The following FSTL5 variants were observed in gnomAD, a reference collection of about 807,000 sequenced individuals.
The protein encoded by FSTL5 is follistatin like 5.
In FSTL5, 62 loss-of-function variants were observed where a neutral mutation model predicts 89.1. The ratio of observed to expected loss-of-function variants is 0.70; its 90% CI spans 0.57 to 0.86. The LOEUF is 0.86. Ranked by LOEUF, FSTL5 falls within the 40% of genes least tolerant of loss-of-function variation. The pLI is 0.00. For synonymous variants in FSTL5, 383 were observed against 346.2 expected (o/e 1.11, Z -1.18); for missense variants, 1,057 against 1,001.6 (o/e 1.06, Z -0.75).
chr4:161,393,631 A>G (rs911734593), intron 15 of FSTL5, among the ~76,000 whole-genome samples: 9 of 152,208 alleles, frequency 5.9e-5, no homozygotes, highest in Non-Finnish European at 1.3e-4. Flanking sequence ...TAATTGGAAT[A>G]AATCAAGAGG....
At chr4:161,718,209 C>T (rs143089188) in intron 6 of FSTL5, among the ~76,000 whole-genome samples, 1 of 152,188 alleles carries the variant, frequency 6.6e-6, no homozygotes, top group African/African-American at 2.4e-5. Flanking sequence ...TGGAAATGAA[C>T]TTCACTATAC....
intron 6 of FSTL5, among the ~76,000 whole-genome samples, chr4:161,734,448 G>A (rs1032239764): frequency 2.0e-5 from 3 of 152,154 alleles, no homozygotes; most frequent in African/African-American, 7.2e-5. Flanking sequence ...AATGCCTTCT[G>A]AAGCCTTGGA....
chr4:161,591,908 G>T (rs760813192), intron 7 of FSTL5, among the ~76,000 whole-genome samples: 21 of 152,170 alleles, frequency 1.4e-4, no homozygotes, highest in Admixed American at 3.9e-4. Flanking sequence ...TCTAATTAGC[G>T]GAGCTAGGAT....
In FSTL5 at chr4:161,536,740, G is replaced by C. The variant is rs1372808334; in HGVS notation, c.1312+1426C>G. Among the ~76,000 whole-genome samples, 12 of 152,056 alleles carry C rather than the reference G, an allele frequency of 7.9e-5. No individual in the cohort carries two copies. In the East Asian group the frequency reaches 2.3e-3, roughly 29 times the overall value. On this transcript the variant is annotated intron_variant, in intron 10 of 15. Transcript: ENST00000306100. ...ATGATTTGTTGACTAAGGGAGCTTT[G>C]GCTAGGTGTTTTACTGTTGTAACTA... is the stretch of plus-strand genomic sequence containing the variant.
intron 3 of FSTL5, among the ~76,000 whole-genome samples, chr4:161,988,599 C>T (rs1433635642): frequency 6.6e-6 from 1 of 152,072 alleles, no homozygotes; most frequent in Admixed American, 6.6e-5. Context: ...AATGCATACA[C>T]TTCAGAGATT....
intron 2 of FSTL5, among the ~76,000 whole-genome samples, chr4:162,101,149 G>A (rs776213330): frequency 4.6e-5 from 7 of 152,164 alleles, no homozygotes; most frequent in Non-Finnish European, 8.8e-5. Flanking sequence ...ATAATCACCT[G>A]CTTTTATTTT....
intron 4 of FSTL5, among the ~76,000 whole-genome samples, chr4:161,782,474 G>A (rs561141680): frequency 1.2e-4 from 18 of 151,958 alleles, no homozygotes; most frequent in South Asian, 2.1e-4. Context: ...GTTTTAGAGC[G>A]GATTATTTTA....
intron 7 of FSTL5, among the ~76,000 whole-genome samples, chr4:161,598,734 T>G (rs1734126874): frequency 6.6e-6 from 1 of 152,022 alleles, no homozygotes; most frequent in Non-Finnish European, 1.5e-5. Flanking sequence ...AGAGAAAGAT[T>G]GGTCTATTAA....
At chr4:161,660,503 A>T (rs1186590318) in intron 6 of FSTL5, among the ~76,000 whole-genome samples, 1 of 152,164 alleles carries the variant, frequency 6.6e-6, no homozygotes, top group East Asian at 1.9e-4. Flanking sequence ...TCAGGGATAC[A>T]TGTATGGGTT....
At chr4:161,949,026 T>A (rs2110946353) in intron 3 of FSTL5, among the ~76,000 whole-genome samples, 1 of 152,238 alleles carries the variant, frequency 6.6e-6, no homozygotes, top group East Asian at 1.9e-4. Context: ...TCTCATTAGA[T>A]TGAAATCAAG....
chr4:161,542,726 G>T (rs369989269), intron 8 of FSTL5, 33 bp from the exon 9 acceptor site: 108 of 1,348,510 alleles, frequency 8.0e-5, no homozygotes, highest in Non-Finnish European at 9.8e-5. Context: ...AAGTGAATTA[G>T]TGATTCATAT....
In FSTL5 at chr4:161,746,418, C is replaced by T. The variant is rs140869668; in HGVS notation, c.727+12993G>A. 2.5e-3 allele frequency among the ~76,000 whole-genome samples: 377 copies of T among 152,170 alleles called. 12 individuals are homozygous for T. The East Asian group carries it at 0.06, about 24-fold the overall frequency. ...AAACTTATCACTTAGAGAATTGCAG[C>T]CTGAGTTAGTAGTGCCCTGGTGAAT... is the stretch of plus-strand genomic sequence containing the variant. On this transcript the variant is annotated intron_variant, in intron 6 of 15. Coordinates refer to ENST00000306100, the MANE Select transcript of FSTL5 (RefSeq NM_020116.5).
intron 4 of FSTL5, among the ~76,000 whole-genome samples, chr4:161,839,689 T>C (rs896745469): frequency 1.3e-5 from 2 of 152,084 alleles, no homozygotes; most frequent in Non-Finnish European, 2.9e-5. Context: ...ATTTAAAAAG[T>C]GGTGGTATTT....
rs949743730 is a variant in FSTL5, at chr4:161,528,191, T to C, written c.1312+9975A>G. On this transcript the variant is annotated intron_variant, in intron 10 of 15. Transcript: ENST00000306100. Reference sequence around the variant, plus strand: ...GGATAACTTTAGGAGATATACCTAATGCTAAATGACGAGTTAATGGGTGCA... The same window carrying C: ...GGATAACTTTAGGAGATATACCTAACGCTAAATGACGAGTTAATGGGTGCA... Among the ~76,000 whole-genome samples, 22 of 137,022 alleles carry C rather than the reference T, an allele frequency of 1.6e-4. 2 individuals carry two copies. The highest frequency in any genetic ancestry group is 1.1e-3 in the South Asian group (4 of 3,588). 89.9% of individuals were successfully genotyped at this position (137,022 alleles called of 152,430 possible).
intron 1 of FSTL5, among the ~76,000 whole-genome samples, chr4:162,150,710 A>G (rs1227498123): frequency 6.6e-6 from 1 of 152,170 alleles, no homozygotes; most frequent in Non-Finnish European, 1.5e-5. Context: ...GCTAGTCTGA[A>G]TGTATTGATG....
At chr4:162,154,812 G>T (rs1733403250) in intron 1 of FSTL5, among the ~76,000 whole-genome samples, 1 of 150,596 alleles carries the variant, frequency 6.6e-6, no homozygotes, top group African/African-American at 2.4e-5. Context: ...AACTATGCAG[G>T]TTTTTTTTTA....
intron 2 of FSTL5, among the ~76,000 whole-genome samples, chr4:162,069,930 A>G (rs1010081985): frequency 1.3e-5 from 2 of 151,824 alleles, no homozygotes; most frequent in African/African-American, 4.8e-5. Context: ...GAATCATATC[A>G]TATTCCTATA....
chr4:161,993,191 A>T (rs1048692236), intron 3 of FSTL5, among the ~76,000 whole-genome samples: 4 of 151,704 alleles, frequency 2.6e-5, no homozygotes, highest in Non-Finnish European at 5.9e-5. Flanking sequence ...GGTTGTATAC[A>T]AATCAAAAAC....
chr4:161,563,883 C>A lies in FSTL5; in HGVS notation c.1016-21190G>T, dbSNP rs1016959725. ...TTGAAAGTTTTCTAAGTAGTAGCGC[C>A]TTACTACATGTAATTAAGCCAAAAT... On this transcript the variant is annotated intron_variant, in intron 8 of 15. Transcript: ENST00000306100. 5.9e-5 allele frequency among the ~76,000 whole-genome samples: 9 copies of A among 151,740 alleles called. No homozygotes were observed. The South Asian group carries it at 1.2e-3, about 21-fold the overall frequency.
Sources: allele counts gnomAD v4.1 joint callset (sites outside exome capture counted in the v4.1 genomes callset), GRCh38; gene constraint gnomAD v4.1.1; transcripts MANE v1.5; gene names NCBI Gene and HGNC (gene_info 2026-07-23, HGNC 2026-07-21).